CLSTN2: variants seen among roughly 807,000 people sequenced by gnomAD.
The protein encoded by CLSTN2 is calsyntenin-2.
Under a neutral mutation model 101.2 loss-of-function variants are expected in CLSTN2, and 48 were observed. That is an observed-to-expected ratio of 0.47 (90% CI 0.38 to 0.60). The LOEUF (loss-of-function observed/expected upper bound fraction) is 0.60, where lower values mean the gene tolerates loss of function less well. Ranked by LOEUF, CLSTN2 falls within the 20% of genes least tolerant of loss-of-function variation. The probability of loss-of-function intolerance (pLI) is 0.00; values close to 1 mark genes in which losing one functional copy is unlikely to be tolerated. For synonymous variants in CLSTN2, 481 were observed against 463.6 expected (o/e 1.04, Z -0.48); for missense variants, 1,160 against 1,238.2 (o/e 0.94, Z 0.95).
intron 5 of CLSTN2, among the ~76,000 whole-genome samples, chr3:140,432,906 G>T (rs2088649252): frequency 6.6e-6 from 1 of 152,162 alleles, no homozygotes; most frequent in African/African-American, 2.4e-5. Context: ...TTATCTAAGG[G>T]CATTCATTGC....
At chr3:140,380,138 A>C (rs887173897) in intron 2 of CLSTN2, among the ~76,000 whole-genome samples, 2 of 152,204 alleles carry the variant, frequency 1.3e-5, no homozygotes, top group South Asian at 4.1e-4. Context: ...CCCCAGCCAG[A>C]CAGTGATCTG....
rs78618785 is a variant in CLSTN2 at position 140,531,310 on chromosome 3, T to C, written c.1345-1014T>C. On this transcript the variant is annotated intron_variant, in intron 8 of 16. Transcript: ENST00000458420. ...TTCTGAGACATGAGACAGGACAATA[T>C]AAAAAGAACATTAATGAAAAAAATC... 6.4e-4 allele frequency among the ~76,000 whole-genome samples: 97 copies of C among 152,196 alleles called. No homozygotes were observed. In the East Asian group the frequency reaches 0.016, roughly 25 times the overall value.
intron 2 of CLSTN2, among the ~76,000 whole-genome samples, chr3:140,287,433 T>A (rs2086905532): frequency 6.6e-6 from 1 of 152,122 alleles, no homozygotes; most frequent in Non-Finnish European, 1.5e-5. Flanking sequence ...GAAAGAAGAA[T>A]TCTTGTTATC....
intron 2 of CLSTN2, among the ~76,000 whole-genome samples, chr3:140,390,682 A>C (rs2088104660): frequency 6.6e-6 from 1 of 152,106 alleles, no homozygotes; most frequent in Admixed American, 6.6e-5. Context: ...ATGATTGTGG[A>C]GTGTCTATTT....
intron 2 of CLSTN2, among the ~76,000 whole-genome samples, chr3:140,302,243 A>G (rs1424208682): frequency 6.6e-6 from 1 of 152,190 alleles, no homozygotes; most frequent in East Asian, 1.9e-4. Context: ...CTGTGACTTT[A>G]TTATTGCAAG....
intron 1 of CLSTN2, among the ~76,000 whole-genome samples, chr3:139,994,171 G>A (rs1936162535): frequency 6.6e-6 from 1 of 152,218 alleles, no homozygotes; most frequent in African/African-American, 2.4e-5. Context: ...GGCAGACCCA[G>A]TGCTTTTCTG....
At chr3:139,964,099 T>C (rs1414066226) in intron 1 of CLSTN2, among the ~76,000 whole-genome samples, 2 of 152,246 alleles carry the variant, frequency 1.3e-5, no homozygotes, top group Non-Finnish European at 2.9e-5. Context: ...ATCCAACATT[T>C]CATTTTATTG....
Position 140,559,082 on chromosome 3 carries a change from G to A in CLSTN2, c.2041+225G>A, listed in dbSNP as rs1047954001. ...TGAGGGATATGAGGTTGGAGGGAAC[G>A]CATTTGTGCTAAATGGTAAGTGAAA... On this transcript the variant is annotated intron_variant, in intron 12 of 16. Coordinates refer to ENST00000458420, the MANE Select transcript of CLSTN2 (RefSeq NM_022131.3). 5.3e-5 allele frequency among the ~76,000 whole-genome samples: 8 copies of A among 151,660 alleles called. No homozygotes were observed. The East Asian group carries it at 7.7e-4, about 15-fold the overall frequency.
At chr3:140,330,366 G>C (rs1459725152) in intron 2 of CLSTN2, among the ~76,000 whole-genome samples, 1 of 152,138 alleles carries the variant, frequency 6.6e-6, no homozygotes, top group Non-Finnish European at 1.5e-5. Context: ...TGCTCCTGTT[G>C]GTGGTTCCCA....
chr3:140,033,127 A>T (rs954498476), intron 1 of CLSTN2, among the ~76,000 whole-genome samples: 18 of 152,248 alleles, frequency 1.2e-4, no homozygotes, highest in African/African-American at 4.1e-4. Flanking sequence ...GAAAAGAAAT[A>T]GGAGGACTGA....
intron 2 of CLSTN2, among the ~76,000 whole-genome samples, chr3:140,298,797 A>G (rs2087027154): frequency 6.6e-6 from 1 of 152,206 alleles, no homozygotes; most frequent in South Asian, 2.1e-4. Flanking sequence ...CATGGTGTAA[A>G]AAGAAATGCA....
At chr3:140,545,302 C>T (rs998250141) in intron 9 of CLSTN2, among the ~76,000 whole-genome samples, 9 of 152,146 alleles carry the variant, frequency 5.9e-5, no homozygotes, top group Non-Finnish European at 1.2e-4. Context: ...CTGGAGCACA[C>T]ACTGTTAGCA....
intron 2 of CLSTN2, among the ~76,000 whole-genome samples, chr3:140,343,259 A>G (rs2107937453): frequency 6.6e-6 from 1 of 152,200 alleles, no homozygotes; most frequent in East Asian, 1.9e-4. Flanking sequence ...TAGCTCTGCT[A>G]GAAGAGGATG....
At chr3:140,429,567 A>G (rs965238667) in intron 5 of CLSTN2, among the ~76,000 whole-genome samples, 2 of 152,228 alleles carry the variant, frequency 1.3e-5, no homozygotes, top group South Asian at 2.1e-4. Context: ...GCCTCCTCAT[A>G]TATCATCCTG....
At chr3:140,236,719 C>A (rs1361071706) in intron 2 of CLSTN2, among the ~76,000 whole-genome samples, 1 of 151,886 alleles carries the variant, frequency 6.6e-6, no homozygotes. Flanking sequence ...TCTTCAAGTT[C>A]ACCACTCTTT....
At chr3:140,387,051 A>G (rs548910688) in intron 2 of CLSTN2, among the ~76,000 whole-genome samples, 5 of 152,356 alleles carry the variant, frequency 3.3e-5, no homozygotes, top group African/African-American at 1.2e-4. Context: ...AGCTTAAGGC[A>G]TAACTTAACA....
intron 2 of CLSTN2, among the ~76,000 whole-genome samples, chr3:140,247,801 T>C (rs1380873967): frequency 6.6e-6 from 1 of 152,138 alleles, no homozygotes; most frequent in Non-Finnish European, 1.5e-5. Flanking sequence ...AGATGGAACA[T>C]CTCTAGCAGT....
chr3:140,359,993 TACACACACACACAC>T (rs55746611), intron 2 of CLSTN2, among the ~76,000 whole-genome samples: 11 of 145,974 alleles, frequency 7.5e-5, no homozygotes, highest in Non-Finnish European at 1.5e-4. Flanking sequence ...ACATATTTTA[TACACACACACACAC>T]ACACACACAC....
At chr3:140,395,375 C>A (rs1305660282) in intron 2 of CLSTN2, among the ~76,000 whole-genome samples, 1 of 152,018 alleles carries the variant, frequency 6.6e-6, no homozygotes, top group Non-Finnish European at 1.5e-5. Context: ...TTATACTTCC[C>A]ACATCTCTTC....
Sources: allele counts gnomAD v4.1 joint callset (sites outside exome capture counted in the v4.1 genomes callset), GRCh38; gene constraint gnomAD v4.1.1; transcripts MANE v1.5; gene names NCBI Gene and HGNC (gene_info 2026-07-23, HGNC 2026-07-21).